COL22A1: variants seen among roughly 807,000 people sequenced by gnomAD.
The protein encoded by COL22A1 is collagen alpha-1(XXII) chain.
Under a neutral mutation model 248.9 loss-of-function variants are expected in COL22A1, and 221 were observed. The observed-to-expected ratio is 0.89, with a 90% CI of 0.80 to 0.99. COL22A1 has a LOEUF of 0.99. COL22A1 is among the 50% of genes least tolerant of loss of function. The pLI is 0.00. For synonymous variants in COL22A1, 891 were observed against 793.4 expected (o/e 1.12, Z -2.07); for missense variants, 2,240 against 2,179.0 (o/e 1.03, Z -0.56).
intron 35 of COL22A1, among the ~76,000 whole-genome samples, chr8:138,692,628 G>T (rs1317054931): frequency 1.3e-5 from 2 of 152,034 alleles, no homozygotes; most frequent in African/African-American, 4.8e-5. Flanking sequence ...CTCTATAGGT[G>T]CAGAGAAGCA....
intron 16 of COL22A1, among the ~76,000 whole-genome samples, chr8:138,764,774 C>T (rs1293082699): frequency 3.3e-5 from 5 of 152,158 alleles, no homozygotes; most frequent in Non-Finnish European, 7.3e-5. Context: ...CCCTGGCCAA[C>T]ATGGTGAAAC....
Position 138,810,596 on chromosome 8 carries a change from G to A in COL22A1, c.1449+1203C>T, listed in dbSNP as rs146362566. Among the ~76,000 whole-genome samples the A allele has an allele frequency of 4.7e-3, 716 of 152,296 alleles. 4 individuals are homozygous for A. Among genetic ancestry groups the A allele is most frequent in the Non-Finnish European group, 5.5e-3 (373 of 68,028 alleles). The stretch of plus-strand genomic sequence containing the variant: ...TAACCAGAAATAGCCTAAGCTCACA[G>A]CAGGCTTCCAGCTTGGGCCTCCAGC... On this transcript the variant is annotated intron_variant, in intron 9 of 64. Transcript: ENST00000303045.
At position 138,630,738 on chromosome 8, in the gene COL22A1, C is replaced by T. The variant is rs768207247; in HGVS notation, c.3620G>A (p.Gly1207Glu). 3.1e-6 allele frequency: 5 copies of T among 1,613,920 alleles called. No homozygotes were observed. The highest frequency in any genetic ancestry group is 4.2e-6 in the Non-Finnish European group (5 of 1,179,864). ...TGGTGGTCCAGCAGCTCCTGCAATT[C>T]CATCTGCCCCCTAAAAAAGACAAGG... ...PGNPGPPGAD[G>E]IAGAAGPPGI... Residue 1207 changes from glycine (G) to glutamate (E), a missense_variant, in exon 50 of 65, where the codon GGA (glycine) becomes GAA (glutamate). By Grantham distance (98) the Gly-to-Glu change is moderately conservative (BLOSUM62 -2). Transcript: ENST00000303045.
intron 46 of COL22A1, among the ~76,000 whole-genome samples, chr8:138,647,692 G>A (rs1822330285): frequency 6.6e-6 from 1 of 152,114 alleles, no homozygotes; most frequent in Non-Finnish European, 1.5e-5. Context: ...TGGGAGGGTG[G>A]GGGTTCGTGG....
chr8:138,757,162 T>G (rs1833077420), intron 18 of COL22A1, among the ~76,000 whole-genome samples: 1 of 152,120 alleles, frequency 6.6e-6, no homozygotes, highest in African/African-American at 2.4e-5. Context: ...CTCCATACAC[T>G]CAGATCCCAG....
Position 138,826,639 on chromosome 8 carries a change from AG to A in COL22A1, c.969+18del. ...CAGAAAGCTCAGGACCACTGAGATA[AG>A]GCATCTGCTGCCCTTACCTGTGGGA... On this transcript the variant is annotated intron_variant, in intron 6 of 64. Coordinates refer to ENST00000303045, the MANE Select transcript of COL22A1 (RefSeq NM_152888.3). 3 of 1,612,926 alleles carry A rather than the reference AG, an allele frequency of 1.9e-6. No homozygotes were observed. Among genetic ancestry groups the A allele is most frequent in the Non-Finnish European group, 2.5e-6 (3 of 1,179,094 alleles).
Position 138,844,025 on chromosome 8 carries a change from C to G in COL22A1, c.733+59G>C, listed in dbSNP as rs141992922. The G allele has an allele frequency of 1.5e-5, 22 of 1,467,692 alleles. 1 individual carries two copies. In the African/African-American group the frequency reaches 2.5e-4, roughly 17 times the overall value. 90.9% of individuals were successfully genotyped at this position (1,467,692 alleles called of 1,614,324 possible). A position where few individuals can be genotyped will look rare whatever the true frequency, so the allele number is the denominator to read the frequency against. ...CACCCCTGAATTGACTAGGGTCATG[C>G]TCAGGCTCAGCAAATCATACACCAA... On this transcript the variant is annotated intron_variant, in intron 4 of 64. Transcript: ENST00000303045.
chr8:138,868,176 G>A (rs541538278), intron 3 of COL22A1, among the ~76,000 whole-genome samples: 31 of 152,312 alleles, frequency 2.0e-4, no homozygotes, highest in Non-Finnish European at 3.4e-4. Flanking sequence ...CACCAAAGAT[G>A]ATGTTATGCA....
At chr8:138,626,321 C>T in intron 50 of COL22A1, 78 bp from the exon 51 acceptor site, 2 of 1,142,272 alleles carry the variant, frequency 1.8e-6, no homozygotes, top group Non-Finnish European at 2.6e-6. Flanking sequence ...CAAGGAACTG[C>T]ATTCATGGGT....
At chr8:138,744,598 G>A (rs1262869381) in intron 22 of COL22A1, among the ~76,000 whole-genome samples, 1 of 152,116 alleles carries the variant, frequency 6.6e-6, no homozygotes, top group Admixed American at 6.5e-5. Context: ...CCTACAGCCT[G>A]GGTAACACTC....
chr8:138,745,922 G>T lies in COL22A1; in HGVS notation c.2085+5536C>A, dbSNP rs186951031. On this transcript the variant is annotated intron_variant, in intron 22 of 64. Coordinates refer to ENST00000303045, the MANE Select transcript of COL22A1 (RefSeq NM_152888.3). ...AATGCCCAGCTCAGACAACAGGCAG[G>T]AAATTAAAGCCTTGGAAAGAGAAAT... is the stretch of plus-strand genomic sequence containing the variant. 3.9e-5 allele frequency among the ~76,000 whole-genome samples: 6 copies of T among 152,320 alleles called. No homozygotes were observed. The East Asian group carries it at 1.2e-3, about 29-fold the overall frequency.
chr8:138,606,868 TG>T (rs1818467212), intron 57 of COL22A1, among the ~76,000 whole-genome samples: 1 of 152,134 alleles, frequency 6.6e-6, no homozygotes, highest in Admixed American at 6.5e-5. Context: ...TCAACTTTTC[TG>T]GGGAGCCATC....
chr8:138,681,515 G>A (rs1825962913), intron 39 of COL22A1, among the ~76,000 whole-genome samples: 1 of 152,176 alleles, frequency 6.6e-6, no homozygotes, highest in Non-Finnish European at 1.5e-5. Flanking sequence ...TCACCTTCCT[G>A]TCTTCCAAGA....
intron 3 of COL22A1, among the ~76,000 whole-genome samples, chr8:138,849,441 TAGAA>T (rs1466021143): frequency 1.3e-5 from 2 of 152,256 alleles, no homozygotes; most frequent in South Asian, 2.1e-4. Context: ...CTTCTTCCTG[TAGAA>T]AGAAAGGCAT....
chr8:138,652,735 GTTTTTTTTTTT>G (rs71316352), intron 45 of COL22A1, among the ~76,000 whole-genome samples: 214 of 54,286 alleles, frequency 3.9e-3, no homozygotes, highest in African/African-American at 8.8e-3. Context: ...TCCTTTTCTG[GTTTTTTTTTTT>G]TTTTTTTTTT....
intron 21 of COL22A1, 41 bp from the exon 22 acceptor site, chr8:138,751,552 T>C (rs767154837): frequency 4.8e-6 from 7 of 1,451,668 alleles, no homozygotes; most frequent in African/African-American, 2.8e-5. Flanking sequence ...AGAAACATAA[T>C]GGTAAATGCA....
chr8:138,829,965 C>A (rs1048895872), intron 5 of COL22A1, among the ~76,000 whole-genome samples: 4 of 152,028 alleles, frequency 2.6e-5, no homozygotes, highest in East Asian at 1.9e-4. Flanking sequence ...TATGTATATA[C>A]CTACACGTGT....
rs147419331 is a variant in COL22A1, at chr8:138,818,775, A to G, written c.1245+2361T>C. Among the ~76,000 whole-genome samples, 690 of 152,338 alleles carry G rather than the reference A, an allele frequency of 4.5e-3. 2 individuals carry two copies. Among genetic ancestry groups the G allele is most frequent in the Non-Finnish European group, 6.9e-3 (471 of 68,038 alleles). ...AGCTAGAATTAGCAGCAGGCTGAATAATGATTTTATAGCTTTACTTTTATT... is the reference window on the plus strand; with the variant it reads ...AGCTAGAATTAGCAGCAGGCTGAATGATGATTTTATAGCTTTACTTTTATT... On this transcript the variant is annotated intron_variant, in intron 7 of 64. Transcript: ENST00000303045.
intron 9 of COL22A1, among the ~76,000 whole-genome samples, chr8:138,809,522 C>CTTTTTTTTTTTTT (rs1405048013): frequency 1.2e-4 from 9 of 77,978 alleles, no homozygotes; most frequent in African/African-American, 1.6e-4. Context: ...CTCTTTTTTT[C>CTTTTTTTTTTTTT]TTTTTCTTTT....
Sources: gnomAD v4.1 joint callset for allele counts (sites outside exome capture counted in the v4.1 genomes callset) on GRCh38, gnomAD v4.1.1 for gene constraint, MANE v1.5 for transcripts, NCBI Gene and HGNC (gene_info 2026-07-23, HGNC 2026-07-21) for gene names.